COL24A1: variants seen among roughly 807,000 people sequenced by gnomAD.
COL24A1 encodes the protein collagen type XXIV alpha 1 chain.
In COL24A1, 224 loss-of-function variants were observed where a neutral mutation model predicts 253.9. That is an observed-to-expected ratio of 0.88 (90% CI 0.79 to 0.99). The LOEUF (loss-of-function observed/expected upper bound fraction) is 0.99. Ranked by LOEUF, COL24A1 falls within the 50% of genes least tolerant of loss-of-function variation. The pLI, the probability that COL24A1 is intolerant of heterozygous loss-of-function variation, is 0.00. For synonymous variants in COL24A1, 685 were observed against 673.7 expected (o/e 1.02, Z -0.26); for missense variants, 2,131 against 2,068.5 (o/e 1.03, Z -0.59).
intron 14 of COL24A1, among the ~76,000 whole-genome samples, chr1:86,026,743 C>T (rs190509949): frequency 1.1e-3 from 172 of 152,238 alleles, no homozygotes; most frequent in African/African-American, 4.0e-3. Flanking sequence ...AATGTGAAAG[C>T]AACTTTGGAA....
chr1:86,122,194 CTCT>C (rs1647480758), intron 3 of COL24A1, among the ~76,000 whole-genome samples: 1 of 11,366 alleles, frequency 8.8e-5, no homozygotes, highest in African/African-American at 3.7e-4. Flanking sequence ...AGTTCTCATT[CTCT>C]TTGACTTCTC....
At chr1:86,092,378 A>G in intron 5 of COL24A1, 58 bp from the exon 6 acceptor site, 3 of 1,257,252 alleles carry the variant, frequency 2.4e-6, no homozygotes, top group South Asian at 2.5e-5. Context: ...AATGTGTCAT[A>G]TATCTTCAGG....
intron 5 of COL24A1, among the ~76,000 whole-genome samples, chr1:86,098,418 A>AG (rs397698665): frequency 3.2e-4 from 1 of 3,084 alleles, no homozygotes; most frequent in Non-Finnish European, 0.01. Flanking sequence ...TAGATTTTTC[A>AG]TCCTTGGCTG....
intron 19 of COL24A1, among the ~76,000 whole-genome samples, chr1:85,994,199 C>G (rs763675279): frequency 2.6e-5 from 4 of 151,054 alleles, no homozygotes; most frequent in Non-Finnish European, 5.9e-5. Context: ...TTAAAAAAAG[C>G]TAAAAGATAA....
At position 85,837,149 on chromosome 1, in the gene COL24A1, T is replaced by C. The variant is rs1004553283; in HGVS notation, c.3681+1436A>G. On this transcript the variant is annotated intron_variant, in intron 43 of 59. Transcript: ENST00000370571. ...GCTTCTCAACTCGGAGAAAAGTAAA[T>C]TTCAAATAAATCCACTCAATTCCTT... Among the ~76,000 whole-genome samples the C allele has an allele frequency of 7.9e-5, 12 of 152,232 alleles. No homozygotes were observed. The South Asian group carries it at 8.3e-4, about 11-fold the overall frequency.
rs548884763 is a variant in COL24A1 at position 85,875,468 on chromosome 1, G to A, written c.3031-138C>T. The A allele has an allele frequency of 4.1e-5, 26 of 630,050 alleles. No individual in the cohort carries two copies. In the African/African-American group the frequency reaches 4.8e-4, roughly 12 times the overall value. 39.0% of individuals were successfully genotyped at this position (630,050 alleles called of 1,614,324 possible). On this transcript the variant is annotated intron_variant, in intron 33 of 59. Coordinates refer to ENST00000370571, the MANE Select transcript of COL24A1 (RefSeq NM_152890.7). ...TCCCTTTATAAACTTCATAGCATAA[G>A]AGCAGATTCTTTCTGACACCCTTTA...
chr1:85,979,143 G>A (rs946594168), intron 20 of COL24A1, among the ~76,000 whole-genome samples: 11 of 152,016 alleles, frequency 7.2e-5, no homozygotes, highest in Admixed American at 1.3e-4. Context: ...TGAACTGAAC[G>A]ATAATAGTGA....
chr1:85,771,514 G>T (rs1019347297), intron 53 of COL24A1, among the ~76,000 whole-genome samples: 1 of 152,098 alleles, frequency 6.6e-6, no homozygotes, highest in Non-Finnish European at 1.5e-5. Flanking sequence ...ATGGACATTT[G>T]GGTTGGTTCC....
At chr1:86,094,813 A>T (rs1703784337) in intron 5 of COL24A1, among the ~76,000 whole-genome samples, 1 of 151,996 alleles carries the variant, frequency 6.6e-6, no homozygotes, top group South Asian at 2.1e-4. Flanking sequence ...AAGTTAATAT[A>T]CTTAGAATTT....
At chr1:85,798,593 G>A (rs1671075097) in intron 47 of COL24A1, among the ~76,000 whole-genome samples, 2 of 152,300 alleles carry the variant, frequency 1.3e-5, no homozygotes, top group South Asian at 4.1e-4. Context: ...CAGCCCAGAT[G>A]GGTGGCAGGG....
chr1:85,745,765 A>G (rs982380931), intron 55 of COL24A1, among the ~76,000 whole-genome samples: 6 of 152,180 alleles, frequency 3.9e-5, no homozygotes, highest in Admixed American at 3.9e-4. Context: ...ATGAAAAACT[A>G]TTTGTTTCTG....
chr1:85,875,474 A>G (rs1467856586), intron 33 of COL24A1, 144 bp from the exon 34 acceptor site: 12 of 599,352 alleles, frequency 2.0e-5, no homozygotes, highest in Admixed American at 3.0e-5. Flanking sequence ...ATAAGAGCAG[A>G]TTCTTTCTGA....
At chr1:85,910,102 C>A in intron 25 of COL24A1, 99 bp from the exon 26 acceptor site, 1 of 852,604 alleles carries the variant, frequency 1.2e-6, no homozygotes. Flanking sequence ...AGAATCATGT[C>A]TTACATGCAT....
intron 24 of COL24A1, among the ~76,000 whole-genome samples, chr1:85,919,967 T>G (rs1686282088): frequency 6.6e-6 from 1 of 152,218 alleles, no homozygotes; most frequent in South Asian, 2.1e-4. Flanking sequence ...GTGCACTGAA[T>G]CAATTTCCAG....
chr1:85,856,441 C>A (rs538024957), intron 37 of COL24A1, among the ~76,000 whole-genome samples: 1 of 152,228 alleles, frequency 6.6e-6, no homozygotes, highest in African/African-American at 2.4e-5. Context: ...GCTTTAATTT[C>A]ATTGTTTACC....
chr1:85,827,798 G>A (rs1214371146), intron 43 of COL24A1, among the ~76,000 whole-genome samples: 2 of 151,884 alleles, frequency 1.3e-5, no homozygotes, highest in African/African-American at 2.4e-5. Context: ...TATTGTGTCT[G>A]TTTGATTCTT....
chr1:85,835,715 A>G (rs1304047434), intron 43 of COL24A1, among the ~76,000 whole-genome samples: 3 of 152,212 alleles, frequency 2.0e-5, no homozygotes, highest in Non-Finnish European at 4.4e-5. Context: ...TCCAGAGACA[A>G]AAAGAAAAAG....
intron 24 of COL24A1, among the ~76,000 whole-genome samples, chr1:85,940,676 C>T (rs1047489939): frequency 1.3e-5 from 2 of 152,214 alleles, no homozygotes; most frequent in African/African-American, 4.8e-5. Context: ...GAATGGTCTG[C>T]TTAGTATCCA....
intron 1 of COL24A1, chr1:86,156,042 T>C (rs1323553720): frequency 6.6e-6 from 2 of 302,422 alleles, no homozygotes; most frequent in East Asian, 1.2e-4. Flanking sequence ...AGCCCAGCTC[T>C]GGAGCTTAGG....
Sources: gnomAD v4.1 joint callset for allele counts (sites outside exome capture counted in the v4.1 genomes callset) on GRCh38, gnomAD v4.1.1 for gene constraint, MANE v1.5 for transcripts, NCBI Gene and HGNC (gene_info 2026-07-23, HGNC 2026-07-21) for gene names.